PLEKHG7: variants seen among roughly 807,000 people sequenced by gnomAD.
The protein encoded by PLEKHG7 is pleckstrin homology domain-containing family G member 7.
PLEKHG7 carries 77 observed loss-of-function variants against 85.2 expected under a neutral mutation model. That is an observed-to-expected ratio of 0.90 (90% confidence interval 0.75 to 1.09). The LOEUF (loss-of-function observed/expected upper bound fraction) is 1.09, where lower values mean the gene tolerates loss of function less well. PLEKHG7 is among the 50% of genes least tolerant of loss of function. PLEKHG7 has a pLI of 0.00. For synonymous variants in PLEKHG7, 301 were observed against 302.4 expected (o/e 1.00, Z 0.05); for missense variants, 777 against 804.3 (o/e 0.97, Z 0.41).
chr12:92,741,764 G>T (rs1172740446), intron 9 of PLEKHG7, among the ~76,000 whole-genome samples, 172 bp downstream of exon 9: 1 of 152,212 alleles, frequency 6.6e-6, no homozygotes, highest in East Asian at 1.9e-4. Flanking sequence ...ATAACTTGCA[G>T]ATTCTGTTTT....
At chr12:92,711,462 T>C (rs542710794) in intron 3 of PLEKHG7, among the ~76,000 whole-genome samples, 4 of 152,208 alleles carry the variant, frequency 2.6e-5, no homozygotes, top group African/African-American at 9.6e-5. Context: ...ACCACTTCCA[T>C]TTGATGATGA....
In PLEKHG7 at chr12:92,772,099, T is replaced by TA. The variant is rs1873454412; in HGVS notation, c.*1905dup. 1 of 150,960 alleles carries TA rather than the reference T, an allele frequency of 6.6e-6. No individual in the cohort carries two copies. Among genetic ancestry groups the TA allele is most frequent in the Non-Finnish European group, 1.5e-5 (1 of 67,620 alleles). 9.4% of individuals were successfully genotyped at this position (150,960 alleles called of 1,614,324 possible). On this transcript the variant is annotated 3_prime_UTR_variant, in exon 17 of 17. Coordinates refer to ENST00000344636, the MANE Select transcript of PLEKHG7 (RefSeq NM_001377329.1). ...AACCGTGGCTCCCAGGAAGAAAAAA[T>TA]AGCAAAAAACAATGGCACATTGGGC... is the stretch of plus-strand genomic sequence containing the variant.
At chr12:92,756,263 C>T (rs758643616) in intron 12 of PLEKHG7, 35 bp from the exon 13 acceptor site, 14 of 1,480,940 alleles carry the variant, frequency 9.5e-6, no homozygotes, top group Middle Eastern at 1.8e-4. Context: ...CAATCACTAA[C>T]AACATCTCTT....
chr12:92,736,119 T>C (rs17020640), intron 5 of PLEKHG7, among the ~76,000 whole-genome samples: 2,731 of 152,266 alleles, frequency 0.018, 80 homozygotes, highest in African/African-American at 0.061. Context: ...TTAATAAATC[T>C]TAGGGTCCAG....
rs1156388593 is a variant in PLEKHG7 at position 92,706,489 on chromosome 12, C to T, written c.-143C>T. 1.9e-6 allele frequency: 2 copies of T among 1,026,122 alleles called. No individual in the cohort carries two copies. The highest frequency in any genetic ancestry group is 2.8e-6 in the Non-Finnish European group (2 of 722,336). 63.6% of individuals were successfully genotyped at this position (1,026,122 alleles called of 1,614,324 possible). A position where few individuals can be genotyped will look rare whatever the true frequency, so the allele number is the denominator to read the frequency against. On this transcript the variant is annotated 5_prime_UTR_variant, in exon 2 of 17. Coordinates refer to ENST00000344636, the MANE Select transcript of PLEKHG7 (RefSeq NM_001377329.1). ...ACTACAGATGCAATAACCTGCTTGACATTCTCCTCTGGAAAAGGAAAAGAA... is the reference window on the plus strand; with the variant it reads ...ACTACAGATGCAATAACCTGCTTGATATTCTCCTCTGGAAAAGGAAAAGAA...
At chr12:92,714,815 G>A (rs1029888491) in intron 3 of PLEKHG7, among the ~76,000 whole-genome samples, 2 of 152,100 alleles carry the variant, frequency 1.3e-5, no homozygotes. Flanking sequence ...TCTCCAAACG[G>A]TTCACACCAA....
chr12:92,731,153 G>A (rs1160078249), intron 4 of PLEKHG7, among the ~76,000 whole-genome samples: 1 of 152,166 alleles, frequency 6.6e-6, no homozygotes, highest in African/African-American at 2.4e-5. Flanking sequence ...AGAGAAATTG[G>A]CCAAGGATCA....
Position 92,761,738 on chromosome 12 carries a change from C to T in PLEKHG7, c.1637-14C>T, listed in dbSNP as rs1873040124. On this transcript the variant is annotated splice_polypyrimidine_tract_variant and intron_variant, in intron 13 of 16. Coordinates refer to ENST00000344636, the MANE Select transcript of PLEKHG7 (RefSeq NM_001377329.1). ...GTTTCAGGTCCCCATTTCAGCTTCT[C>T]TTTTTTTCCTCAGAAAGCACGAGAT... The T allele has an allele frequency of 1.3e-6, 2 of 1,553,830 alleles. No individual in the cohort carries two copies. The highest frequency in any genetic ancestry group is 2.5e-5 in the East Asian group (1 of 39,792).
At chr12:92,751,665 C>T (rs997200844) in intron 10 of PLEKHG7, among the ~76,000 whole-genome samples, 14 of 151,948 alleles carry the variant, frequency 9.2e-5, no homozygotes, top group South Asian at 4.2e-4. Flanking sequence ...TGAGCCACCA[C>T]GCCCGGCCAA....
chr12:92,764,534 T>A (rs1395843011), intron 15 of PLEKHG7, among the ~76,000 whole-genome samples: 1 of 152,160 alleles, frequency 6.6e-6, no homozygotes, highest in African/African-American at 2.4e-5. Context: ...CTGGTATTGT[T>A]ATTATAGTAT....
chr12:92,731,606 C>G (rs1487889445), intron 4 of PLEKHG7, among the ~76,000 whole-genome samples: 1 of 152,224 alleles, frequency 6.6e-6, no homozygotes, highest in African/African-American at 2.4e-5. Flanking sequence ...AATCGAATCT[C>G]TTTCCTTCCT....
At chr12:92,748,460 C>T (rs1329131462) in intron 10 of PLEKHG7, among the ~76,000 whole-genome samples, 2 of 151,498 alleles carry the variant, frequency 1.3e-5, no homozygotes, top group Non-Finnish European at 2.9e-5. Context: ...GTTGGCCAGG[C>T]TGGTCTTGAA....
chr12:92,761,658 GAAAGA>G (rs1379484482), intron 13 of PLEKHG7, 89 bp from the exon 14 acceptor site: 126 of 1,301,464 alleles, frequency 9.7e-5, no homozygotes, highest in Middle Eastern at 3.9e-4. Context: ...AAGAAAGAAA[GAAAGA>G]AAGAAAGAAA....
At chr12:92,709,371 A>G (rs528795431) in intron 3 of PLEKHG7, among the ~76,000 whole-genome samples, 138 of 152,388 alleles carry the variant, frequency 9.1e-4, no homozygotes, top group African/African-American at 3.2e-3. Flanking sequence ...CAAGGTGTCC[A>G]TTCACTGACC....
Position 92,737,398 on chromosome 12 carries a change from C to A in PLEKHG7, c.816C>A (p.Val272=). The A allele has an allele frequency of 6.5e-7, 1 of 1,538,170 alleles. No homozygotes were observed. The highest frequency in any genetic ancestry group is 8.7e-7 in the Non-Finnish European group (1 of 1,152,216). ...TACAGGATAAGACCTGGGATGAAGT[C>A]TTGGAAACACATCACAAACTCCCGA... ...YGLKDKTWDE[V]LETHHKLPTD... Residue 272 remains valine (V), a synonymous_variant, in exon 7 of 17, where the codon GTC becomes GTA. Transcript: ENST00000344636.
chr12:92,738,915 A>G (rs1016648391), intron 7 of PLEKHG7, among the ~76,000 whole-genome samples: 2 of 152,252 alleles, frequency 1.3e-5, no homozygotes, highest in Non-Finnish European at 2.9e-5. Flanking sequence ...TAGAGACAAT[A>G]TCAGTTAGGA....
At chr12:92,707,915 A>T (rs1264508040) in intron 3 of PLEKHG7, 2 of 583,280 alleles carry the variant, frequency 3.4e-6, no homozygotes, top group African/African-American at 1.9e-5. Context: ...TTCATTTTGA[A>T]TTGTCAATGT....
intron 5 of PLEKHG7, among the ~76,000 whole-genome samples, 188 bp from the exon 6 acceptor site, chr12:92,736,294 A>G (rs1310999397): frequency 6.6e-6 from 1 of 151,834 alleles, no homozygotes; most frequent in African/African-American, 2.4e-5. Context: ...CCCAGGTCTG[A>G]CATTCTGTGG....
In PLEKHG7 at chr12:92,764,010, T is replaced by G. The variant is rs755838948; in HGVS notation, c.1717-31T>G. 293 of 1,584,524 alleles carry G rather than the reference T, an allele frequency of 1.8e-4. 1 individual carries two copies. The Middle Eastern group carries it at 4.0e-3, about 22-fold the overall frequency. On this transcript the variant is annotated intron_variant, in intron 14 of 16. Transcript: ENST00000344636. ...TAAGTGTGCCAATATTTATTTCTTG[T>G]TTATTGCATTATTTTTCTTGTTAAT...
Sources: allele counts gnomAD v4.1 joint callset (sites outside exome capture counted in the v4.1 genomes callset), GRCh38; gene constraint gnomAD v4.1.1; transcripts MANE v1.5; gene names NCBI Gene and HGNC (gene_info 2026-07-23, HGNC 2026-07-21).